Variants in KLF12 observed in about 807,000 individuals in gnomAD.
The protein encoded by KLF12 is Krueppel-like factor 12.
KLF12 carries 9 observed loss-of-function variants against 37.8 expected under a neutral mutation model. That is an observed-to-expected ratio of 0.24 (90% CI 0.14 to 0.42). The LOEUF is 0.42. Ranked by LOEUF, KLF12 falls within the 10% of genes least tolerant of loss-of-function variation. The pLI, the probability that KLF12 is intolerant of heterozygous loss-of-function variation, is 1.00. For missense variants in KLF12, 411 were observed against 516.0 expected (o/e 0.80, Z 1.97); for synonymous variants, 208 against 202.1 (o/e 1.03, Z -0.25).
At chr13:73,967,493 AAGG>A (rs1471013518) in intron 2 of KLF12, among the ~76,000 whole-genome samples, 2 of 152,224 alleles carry the variant, frequency 1.3e-5, no homozygotes, top group African/African-American at 4.8e-5. Context: ...TCCTTCCGCC[AAGG>A]AGGAGTCCAT....
intron 1 of KLF12, among the ~76,000 whole-genome samples, chr13:74,031,628 C>T (rs867897099): frequency 2.2e-3 from 336 of 152,000 alleles, no homozygotes; most frequent in African/African-American, 7.4e-3. Flanking sequence ...GTTAACATAC[C>T]GCCTTCTTCC....
the KLF12 span, among the ~76,000 whole-genome samples, chr13:74,223,374 A>G: frequency 6.6e-6 from 1 of 152,158 alleles, no homozygotes; most frequent in African/African-American, 2.4e-5. Context: ...ACCCCCATCT[A>G]TTGTTTTTAG....
intron 1 of KLF12, among the ~76,000 whole-genome samples, chr13:74,124,067 T>G (rs1877797414): frequency 6.6e-6 from 1 of 152,216 alleles, no homozygotes; most frequent in South Asian, 2.1e-4. Context: ...TACTGTTATT[T>G]ATAAACAAAA....
At chr13:73,789,668 C>G (rs1328732916) in intron 5 of KLF12, among the ~76,000 whole-genome samples, 3 of 147,530 alleles carry the variant, frequency 2.0e-5, no homozygotes, top group African/African-American at 7.9e-5. Flanking sequence ...TACACTATCT[C>G]TAATCTTTTT....
intron 7 of KLF12, among the ~76,000 whole-genome samples, chr13:73,708,237 A>C (rs1875096376): frequency 6.6e-6 from 1 of 152,172 alleles, no homozygotes; most frequent in African/African-American, 2.4e-5. Flanking sequence ...TTAAGGTTAG[A>C]GGTGTATGGC....
At chr13:73,826,694 T>C (rs1310610742) in intron 4 of KLF12, among the ~76,000 whole-genome samples, 1 of 152,172 alleles carries the variant, frequency 6.6e-6, no homozygotes, top group African/African-American at 2.4e-5. Context: ...GGCCCTTAAC[T>C]ACATATATGT....
intron 1 of KLF12, among the ~76,000 whole-genome samples, chr13:74,005,209 C>A (rs1346151040): frequency 6.6e-6 from 1 of 151,902 alleles, no homozygotes; most frequent in Non-Finnish European, 1.5e-5. Flanking sequence ...AATAAGGTAA[C>A]CAAATAATAA....
chr13:73,849,832 G>C (rs1483950810), intron 3 of KLF12, among the ~76,000 whole-genome samples: 1 of 152,146 alleles, frequency 6.6e-6, no homozygotes, highest in Admixed American at 6.5e-5. Flanking sequence ...AGCCCATCAT[G>C]ATCTTTGCCT....
At chr13:73,999,220 G>C (rs1892204603) in intron 1 of KLF12, among the ~76,000 whole-genome samples, 1 of 152,134 alleles carries the variant, frequency 6.6e-6, no homozygotes, top group Admixed American at 6.5e-5. Context: ...GCATTAAAAA[G>C]TGATAACAGA....
chr13:74,063,116 G>A (rs1856132917), intron 1 of KLF12, among the ~76,000 whole-genome samples: 3 of 152,160 alleles, frequency 2.0e-5, no homozygotes, highest in Admixed American at 6.5e-5. Context: ...CCATGTCAGG[G>A]TGCTAAAATA....
At chr13:74,100,150 A>C (rs574443339) in intron 1 of KLF12, among the ~76,000 whole-genome samples, 1 of 152,260 alleles carries the variant, frequency 6.6e-6, no homozygotes, top group Non-Finnish European at 1.5e-5. Flanking sequence ...CAGGCAGATG[A>C]GATAGGGAAA....
In KLF12 at chr13:73,960,023, C is replaced by A. The variant is rs567461354; in HGVS notation, c.34-15953G>T. 2.0e-5 allele frequency among the ~76,000 whole-genome samples: 3 copies of A among 152,186 alleles called. No individual in the cohort carries two copies. In the South Asian group the frequency reaches 6.2e-4, roughly 32 times the overall value. On this transcript the variant is annotated intron_variant, in intron 2 of 7. Transcript: ENST00000377669. ...AGATACATAAATAGATGAGAAACAT[C>A]AGGCCTACAGGCATCCTGGAAAAAT...
At chr13:74,213,892 T>C in the KLF12 span, among the ~76,000 whole-genome samples, 1 of 152,188 alleles carries the variant, frequency 6.6e-6, no homozygotes, top group Non-Finnish European at 1.5e-5. Context: ...TTAATTACTA[T>C]GTATTTCTCT....
chr13:74,066,479 T>A (rs550653333), intron 1 of KLF12, among the ~76,000 whole-genome samples: 3 of 151,888 alleles, frequency 2.0e-5, no homozygotes, highest in Non-Finnish European at 4.4e-5. Context: ...CTGGGCAACA[T>A]AGCGAGACCT....
intron 6 of KLF12, among the ~76,000 whole-genome samples, chr13:73,755,968 A>G (rs1695544324): frequency 6.6e-6 from 1 of 152,082 alleles, no homozygotes; most frequent in African/African-American, 2.4e-5. Flanking sequence ...TCCATACTGT[A>G]TATATACACC....
intron 6 of KLF12, among the ~76,000 whole-genome samples, chr13:73,719,586 T>C (rs1408636122): frequency 6.6e-6 from 1 of 151,954 alleles, no homozygotes; most frequent in African/African-American, 2.4e-5. Context: ...TCCACACTCC[T>C]ACGCCCATTT....
intron 1 of KLF12, among the ~76,000 whole-genome samples, chr13:74,110,221 C>T (rs1876896094): frequency 1.3e-5 from 2 of 152,160 alleles, no homozygotes; most frequent in African/African-American, 4.8e-5. Context: ...CACTTCCTGC[C>T]TCGCCCAGAG....
At chr13:73,953,521 GA>G (rs1890716477) in intron 2 of KLF12, among the ~76,000 whole-genome samples, 1 of 151,994 alleles carries the variant, frequency 6.6e-6, no homozygotes, top group Non-Finnish European at 1.5e-5. Context: ...GAATAGTAAT[GA>G]AAAAAACATT....
At chr13:73,929,125 T>C (rs1889546120) in intron 3 of KLF12, among the ~76,000 whole-genome samples, 1 of 152,116 alleles carries the variant, frequency 6.6e-6, no homozygotes, top group African/African-American at 2.4e-5. Flanking sequence ...AAGTGCTAAA[T>C]TGGGTGGGTA....
Sources: allele counts gnomAD v4.1 joint callset (sites outside exome capture counted in the v4.1 genomes callset), GRCh38; gene constraint gnomAD v4.1.1; transcripts MANE v1.5; gene names NCBI Gene and HGNC (gene_info 2026-07-23, HGNC 2026-07-21).